Variants in NCKAP5 observed in about 807,000 individuals in gnomAD.
NCKAP5 encodes NCK associated protein 5.
Under a neutral mutation model 167.0 loss-of-function variants are expected in NCKAP5, and 92 were observed. The ratio of observed to expected loss-of-function variants is 0.55; its 90% CI spans 0.47 to 0.66. The LOEUF is 0.66. Ranked by LOEUF, NCKAP5 falls within the 30% of genes least tolerant of loss-of-function variation. The pLI, the probability that NCKAP5 is intolerant of heterozygous loss-of-function variation, is 0.00. For missense variants in NCKAP5, 2,378 were observed against 2,315.0 expected (o/e 1.03, Z -0.56); for synonymous variants, 891 against 877.4 (o/e 1.02, Z -0.27).
At chr2:133,214,082 T>C (rs1476475880) in intron 4 of NCKAP5, among the ~76,000 whole-genome samples, 1 of 152,228 alleles carries the variant, frequency 6.6e-6, no homozygotes, top group African/African-American at 2.4e-5. Context: ...GGCTATAGTA[T>C]TTTAGTTGAC....
chr2:133,216,985 A>G (rs1207905527), intron 4 of NCKAP5, among the ~76,000 whole-genome samples: 1 of 152,134 alleles, frequency 6.6e-6, no homozygotes, highest in East Asian at 1.9e-4. Flanking sequence ...TTTTTATTAA[A>G]AACATTATAA....
chr2:133,304,017 G>A (rs981132103), intron 3 of NCKAP5, among the ~76,000 whole-genome samples: 13 of 152,052 alleles, frequency 8.5e-5, no homozygotes, highest in Admixed American at 5.2e-4. Flanking sequence ...TATAGCAGCC[G>A]TCGATGGAAC....
At chr2:132,687,742 C>CAT (rs1686140902) in intron 19 of NCKAP5, among the ~76,000 whole-genome samples, 1 of 151,424 alleles carries the variant, frequency 6.6e-6, no homozygotes, top group South Asian at 2.1e-4. Flanking sequence ...CACACACACA[C>CAT]ACACACACAC....
At chr2:133,138,361 T>G (rs866899470) in intron 5 of NCKAP5, among the ~76,000 whole-genome samples, 6 of 152,348 alleles carry the variant, frequency 3.9e-5, no homozygotes, top group African/African-American at 1.2e-4. Flanking sequence ...TAGTCAATGG[T>G]TTTTATTATT....
intron 3 of NCKAP5, among the ~76,000 whole-genome samples, chr2:133,308,976 C>T (rs893517806): frequency 1.3e-5 from 2 of 151,698 alleles, no homozygotes; most frequent in African/African-American, 2.4e-5. Context: ...TCCCAAAGTG[C>T]TGGGATTACA....
intron 16 of NCKAP5, among the ~76,000 whole-genome samples, chr2:132,768,045 G>A (rs57643329): frequency 6.6e-6 from 1 of 152,130 alleles, no homozygotes; most frequent in Non-Finnish European, 1.5e-5. Context: ...CCCAGACAAT[G>A]GGGGAGGGTA....
intron 4 of NCKAP5, among the ~76,000 whole-genome samples, chr2:133,237,214 T>C (rs894708213): frequency 2.0e-5 from 3 of 152,126 alleles, no homozygotes; most frequent in African/African-American, 7.2e-5. Context: ...TTATGACAAA[T>C]TATTATATTC....
chr2:132,798,685 C>T (rs1251223797), intron 11 of NCKAP5, among the ~76,000 whole-genome samples: 1 of 152,160 alleles, frequency 6.6e-6, no homozygotes, highest in Non-Finnish European at 1.5e-5. Context: ...CAAATGGGTC[C>T]CTTCCCTTCA....
At chr2:133,360,395 T>A (rs187857306) in intron 3 of NCKAP5, among the ~76,000 whole-genome samples, 2 of 152,034 alleles carry the variant, frequency 1.3e-5, no homozygotes, top group East Asian at 3.8e-4. Context: ...CTGGAAAGAG[T>A]GTGTGGTTTT....
rs138641180 is a variant in NCKAP5 at position 133,317,117 on chromosome 2, C to A, written c.70-14007G>T. ...TCTCAGACCTAGTATTTTGCACATG[C>A]CCTCACAAAAAATAAACGTGTATCA... On this transcript the variant is annotated intron_variant, in intron 3 of 19. Transcript: ENST00000409261. Among the ~76,000 whole-genome samples the A allele has an allele frequency of 1.1e-4, 17 of 152,180 alleles. No homozygotes were observed. In the East Asian group the frequency reaches 3.1e-3, roughly 28 times the overall value.
intron 1 of NCKAP5, among the ~76,000 whole-genome samples, chr2:133,567,632 T>C (rs1688644619): frequency 6.6e-6 from 1 of 150,694 alleles, no homozygotes; most frequent in Non-Finnish European, 1.5e-5. Flanking sequence ...TTTTGATACA[T>C]ACACATTCCT....
At position 133,548,943 on chromosome 2, in the gene NCKAP5, C is replaced by A. The variant is rs532135263; in HGVS notation, c.-62+10107G>T. 2.4e-3 allele frequency among the ~76,000 whole-genome samples: 357 copies of A among 149,628 alleles called. 1 individual carries two copies. The highest frequency in any genetic ancestry group is 7.0e-3 in the African/African-American group (286 of 41,062). On this transcript the variant is annotated intron_variant, in intron 2 of 19. Transcript: ENST00000409261. ...AAAGACACAGACGGGCAAATTGGAT[C>A]AAGAGTCAAGACCCATCAGTGTGCT...
At chr2:133,586,155 CT>C in the NCKAP5 span, among the ~76,000 whole-genome samples, 1 of 152,174 alleles carries the variant, frequency 6.6e-6, no homozygotes, top group African/African-American at 2.4e-5. Context: ...TGAACTCAGA[CT>C]CTTAGTAGAA....
At chr2:133,004,666 A>T (rs574845337) in intron 6 of NCKAP5, among the ~76,000 whole-genome samples, 1 of 152,338 alleles carries the variant, frequency 6.6e-6, no homozygotes, top group South Asian at 2.1e-4. Context: ...TCCATGTCCC[A>T]CTGGGCACGT....
At chr2:132,853,688 CT>C (rs2105497675) in intron 11 of NCKAP5, among the ~76,000 whole-genome samples, 1 of 152,266 alleles carries the variant, frequency 6.6e-6, no homozygotes, top group South Asian at 2.1e-4. Context: ...ATCAGTCCCC[CT>C]GACCAAAGGC....
intron 2 of NCKAP5, among the ~76,000 whole-genome samples, chr2:133,551,367 A>C (rs1456545841): frequency 2.8e-4 from 40 of 143,302 alleles, no homozygotes; most frequent in Non-Finnish European, 4.4e-4. Context: ...CAGTAACCAA[A>C]ACAGCATGGT....
rs117459614 is a variant in NCKAP5 at position 132,813,411 on chromosome 2, A to G, written c.808-16682T>C. On this transcript the variant is annotated intron_variant, in intron 11 of 19. Coordinates refer to ENST00000409261, the MANE Select transcript of NCKAP5 (RefSeq NM_207363.3). ...AAAGGTCTAGAGGAAGGGACTGCAGATGGGTCTCTGGGAAGAAATGTAGAC... is the reference window on the plus strand; with the variant it reads ...AAAGGTCTAGAGGAAGGGACTGCAGGTGGGTCTCTGGGAAGAAATGTAGAC... Among the ~76,000 whole-genome samples, 43 of 152,344 alleles carry G rather than the reference A, an allele frequency of 2.8e-4. No homozygotes were observed. In the East Asian group the frequency reaches 7.9e-3, roughly 28 times the overall value.
rs536546178 is a variant in NCKAP5 at position 133,130,704 on chromosome 2, G to A, written c.208-593C>T. Among the ~76,000 whole-genome samples the A allele has an allele frequency of 5.3e-5, 8 of 152,318 alleles. No individual in the cohort carries two copies. In the South Asian group the frequency reaches 1.7e-3, roughly 32 times the overall value. On this transcript the variant is annotated intron_variant, in intron 5 of 19. Transcript: ENST00000409261. ...TAGCTCATCTCACGAACGGGTATCA[G>A]GGACTGAAAGAGGAACTGGATGACA...
intron 8 of NCKAP5, among the ~76,000 whole-genome samples, chr2:132,896,833 C>T (rs1194765420): frequency 1.3e-5 from 2 of 152,152 alleles, no homozygotes; most frequent in Non-Finnish European, 2.9e-5. Context: ...ATTTTAGAAA[C>T]ACTGTCCAGC....
Sources: allele counts gnomAD v4.1 joint callset (sites outside exome capture counted in the v4.1 genomes callset), GRCh38; gene constraint gnomAD v4.1.1; transcripts MANE v1.5; gene names NCBI Gene and HGNC (gene_info 2026-07-23, HGNC 2026-07-21).